Variants in HEXB observed in about 807,000 individuals in gnomAD.
HEXB encodes the protein beta-hexosaminidase subunit beta.
HEXB carries 51 observed loss-of-function variants against 71.2 expected under a neutral mutation model. The ratio of observed to expected loss-of-function variants is 0.72; its 90% CI spans 0.57 to 0.90. The LOEUF (loss-of-function observed/expected upper bound fraction) is 0.90, where lower values mean the gene tolerates loss of function less well. Among genes scored for constraint, HEXB ranks in the 40% least tolerant of loss-of-function variants. The pLI, the probability that HEXB is intolerant of heterozygous loss-of-function variation, is 0.00. For missense variants in HEXB, 617 were observed against 677.0 expected, an observed-to-expected ratio of 0.91 and a Z score of 0.98; for synonymous variants, 266 against 249.3, an observed-to-expected ratio of 1.07 and a Z score of -0.63.
At chr5:74,666,508 A>T (rs923008473) in intron 1 of HEXB, among the ~76,000 whole-genome samples, 2 of 152,202 alleles carry the variant, frequency 1.3e-5, no homozygotes, top group Non-Finnish European at 2.9e-5. Context: ...TCTTGTTCTC[A>T]TAAAGACAAC....
rs780221860 is a variant in HEXB at position 74,685,476 on chromosome 5, C to T, written c.216C>T (p.Leu72=). The part of the protein sequence containing the change: ...LVKMTPNLLH[L]APENFYISHS... ...AGATGACCCCGAACCTGCTGCATCT[C>T]GCCCCGGAGAACTTCTACATCAGCC... Residue 72 remains leucine, a synonymous_variant, in exon 1 of 14, where the codon CTC becomes CTT. Coordinates refer to ENST00000261416, the MANE Select transcript of HEXB (RefSeq NM_000521.4). The T allele has an allele frequency of 1.5e-5, 24 of 1,611,504 alleles. No individual in the cohort carries two copies. The African/African-American group carries it at 1.9e-4, about 13-fold the overall frequency.
At chr5:74,720,850 G>C in intron 13 of HEXB, 103 bp downstream of exon 13, 1 of 943,704 alleles carries the variant, frequency 1.1e-6, no homozygotes, top group Non-Finnish European at 1.7e-6. Context: ...ATAGTAATTA[G>C]AAGAAACCAG....
intron 3 of HEXB, among the ~76,000 whole-genome samples, chr5:74,695,283 A>C (rs1749088371): frequency 7.0e-6 from 1 of 143,574 alleles, no homozygotes; most frequent in South Asian, 2.3e-4. Flanking sequence ...AGCTCACTGC[A>C]AGCTCCGCCT....
chr5:74,705,285 T>C lies in HEXB; in HGVS notation c.736T>C (p.Tyr246His). 3 of 1,609,240 alleles carry C rather than the reference T, an allele frequency of 1.9e-6. No homozygotes were observed. The highest frequency in any genetic ancestry group is 2.6e-6 in the Non-Finnish European group (3 of 1,175,644). Residue 246 changes from tyrosine to histidine, a missense_variant, in exon 6 of 14, where the codon TAT becomes CAT. Coordinates refer to ENST00000261416, the MANE Select transcript of HEXB (RefSeq NM_000521.4). The part of the protein sequence containing the change: ...WHIVDDQSFP[Y>H]QSITFPELSN... ...CATAGTTGATGACCAGTCTTTCCCA[T>C]ATCAGAGCATCACTTTTCCTGAGTT...
At chr5:74,701,724 T>G (rs930475871) in intron 5 of HEXB, among the ~76,000 whole-genome samples, 15 of 152,084 alleles carry the variant, frequency 9.9e-5, no homozygotes, top group Admixed American at 4.6e-4. Flanking sequence ...TTTAAAATTT[T>G]TATTGTATTT....
Position 74,685,252 on chromosome 5 carries a change from C to T in HEXB, c.-9C>T, listed in dbSNP as rs113440205. ...CTCGGCAGACCGGGCGGAAAGCAGC[C>T]GAGCGGCCATGGAGCTGTGCGGGCT... On this transcript the variant is annotated 5_prime_UTR_variant, in exon 1 of 14. Transcript: ENST00000261416. 8 of 1,502,238 alleles carry T rather than the reference C, an allele frequency of 5.3e-6. No homozygotes were observed. The highest frequency in any genetic ancestry group is 4.3e-5 in the Admixed American group (2 of 46,832). The allele number at this position is 1,502,238 out of a possible 1,614,324, so 93.1% of individuals were successfully genotyped here.
upstream of HEXB, among the ~76,000 whole-genome samples, chr5:74,683,952 C>G (rs1748789473): frequency 6.6e-6 from 1 of 151,812 alleles, no homozygotes; most frequent in Non-Finnish European, 1.5e-5. Flanking sequence ...TCCTGAGTAG[C>G]TGGGATTACA....
chr5:74,717,280 C>T (rs529230681), intron 9 of HEXB, among the ~76,000 whole-genome samples: 1 of 152,234 alleles, frequency 6.6e-6, no homozygotes, highest in East Asian at 1.9e-4. Context: ...GAATTCATTC[C>T]ATTTTGTCAA....
upstream of HEXB, among the ~76,000 whole-genome samples, chr5:74,682,681 T>C (rs1239929915): frequency 2.0e-5 from 3 of 152,230 alleles, no homozygotes; most frequent in Admixed American, 6.5e-5. Context: ...CGTGCTTCCA[T>C]TGACAGTAAA....
intron 1 of HEXB, among the ~76,000 whole-genome samples, chr5:74,662,231 A>G (rs1257248948): frequency 1.3e-5 from 2 of 149,170 alleles, no homozygotes; most frequent in African/African-American, 5.2e-5. Context: ...TTATTTTCAG[A>G]AGTTTTTCAC....
intron 1 of HEXB, among the ~76,000 whole-genome samples, chr5:74,645,954 T>TG (rs1747994686): frequency 2.0e-5 from 1 of 49,220 alleles, no homozygotes; most frequent in Non-Finnish European, 3.7e-5. Context: ...GTCTGCATAC[T>TG]ATTTTTTTTT....
upstream of HEXB, chr5:74,685,137 GGC>G (rs1491064957): frequency 1.9e-6 from 2 of 1,042,702 alleles, no homozygotes; most frequent in Admixed American, 4.0e-5. Flanking sequence ...GTCGGGGGCG[GGC>G]GCGCGCAGTC....
chr5:74,698,313 A>G (rs1434963548), intron 5 of HEXB, among the ~76,000 whole-genome samples: 1 of 151,608 alleles, frequency 6.6e-6, no homozygotes, highest in Non-Finnish European at 1.5e-5. Flanking sequence ...ACCTCAGGTG[A>G]TCCACCTGCC....
chr5:74,656,352 A>C (rs1431172954), intron 1 of HEXB, among the ~76,000 whole-genome samples: 2 of 151,892 alleles, frequency 1.3e-5, no homozygotes, highest in African/African-American at 2.4e-5. Context: ...GGTGGTGGGC[A>C]CCTGTAATCC....
chr5:74,686,535 A>T (rs567864679), intron 1 of HEXB, among the ~76,000 whole-genome samples: 1 of 152,288 alleles, frequency 6.6e-6, no homozygotes, highest in African/African-American at 2.4e-5. Context: ...AAACTAACTG[A>T]ATAATGTGTT....
At chr5:74,702,778 G>A (rs1466619244) in intron 5 of HEXB, among the ~76,000 whole-genome samples, 1 of 152,184 alleles carries the variant, frequency 6.6e-6, no homozygotes, top group Non-Finnish European at 1.5e-5. Flanking sequence ...TTACTAAGGT[G>A]GCTACCGAGT....
At chr5:74,716,494 TCTG>T in intron 8 of HEXB, 90 bp from the exon 9 acceptor site, 3 of 720,892 alleles carry the variant, frequency 4.2e-6, no homozygotes, top group Non-Finnish European at 7.4e-6. Context: ...TAGTTTTAAG[TCTG>T]CACAACTGAT....
intron 1 of HEXB, among the ~76,000 whole-genome samples, chr5:74,678,783 G>A (rs1311498478): frequency 6.6e-6 from 1 of 151,974 alleles, no homozygotes. Flanking sequence ...TTAACAGAAA[G>A]GGAGAAAATA....
Position 74,641,435 on chromosome 5 carries a change from A to G in HEXB, c.-377+877A>G, listed in dbSNP as rs1344741694. The G allele has an allele frequency of 6.6e-6, 1 of 152,284 alleles. No individual in the cohort carries two copies. Among genetic ancestry groups the G allele is most frequent in the Non-Finnish European group, 1.5e-5 (1 of 68,084 alleles). 9.4% of individuals were successfully genotyped at this position (152,284 alleles called of 1,614,324 possible). On this transcript the variant is annotated intron_variant, in intron 1 of 13. Transcript: ENST00000511181. This position sits in a 1 kb window ranked among gnomAD's most constrained non-coding sequence, Gnocchi z 4.1. ...CCCCGGCTGGACTCTGCCCTAAGCC[A>G]GGCGACTGCAGGGGCAGCCGGGGCG...
Sources: gnomAD v4.1 joint callset for allele counts (sites outside exome capture counted in the v4.1 genomes callset) on GRCh38, gnomAD v4.1.1 for gene constraint, Gnocchi (gnomAD v3.1) non-coding constraint, MANE v1.5 for transcripts, NCBI Gene and HGNC (gene_info 2026-07-23, HGNC 2026-07-21) for gene names.